SMYD3: variants seen among roughly 807,000 people sequenced by gnomAD.
SMYD3 encodes histone-lysine N-methyltransferase SMYD3.
Under a neutral mutation model 57.7 loss-of-function variants are expected in SMYD3, and 36 were observed. The ratio of observed to expected loss-of-function variants is 0.62; its 90% confidence interval spans 0.48 to 0.82. The LOEUF is 0.82. SMYD3 is among the 40% of genes least tolerant of loss of function. The probability of loss-of-function intolerance (pLI) is 0.00; values close to 1 mark genes in which losing one functional copy is unlikely to be tolerated. For missense variants in SMYD3, 515 were observed against 538.8 expected, an observed-to-expected ratio of 0.96 and a Z score of 0.44; for synonymous variants, 211 against 195.0, an observed-to-expected ratio of 1.08 and a Z score of -0.68.
chr1:246,148,109 C>T (rs1156778748), intron 5 of SMYD3, among the ~76,000 whole-genome samples: 2 of 152,122 alleles, frequency 1.3e-5, no homozygotes, highest in Non-Finnish European at 2.9e-5. Context: ...AGGCTGGGGG[C>T]CAGGATGCCA....
chr1:246,316,360 GGTTT>G (rs2065156552), intron 5 of SMYD3, among the ~76,000 whole-genome samples: 1 of 146,988 alleles, frequency 6.8e-6, no homozygotes. Context: ...TGTCTTCATG[GGTTT>G]TTTTTTTTTT....
At chr1:246,367,739 A>C (rs749749671) in intron 1 of SMYD3, among the ~76,000 whole-genome samples, 1 of 152,188 alleles carries the variant, frequency 6.6e-6, no homozygotes, top group African/African-American at 2.4e-5. Context: ...GCCAAAAAAT[A>C]ATCTTAAAAA....
intron 5 of SMYD3, chr1:246,178,933 A>C (rs2062482534): frequency 6.6e-6 from 1 of 152,598 alleles, no homozygotes; most frequent in African/African-American, 2.4e-5. Flanking sequence ...ACATTAACTG[A>C]AACTACCCAG....
intron 5 of SMYD3, among the ~76,000 whole-genome samples, chr1:246,044,592 T>C (rs976418531): frequency 2.6e-5 from 4 of 152,164 alleles, no homozygotes; most frequent in African/African-American, 9.7e-5. Context: ...AAAAAAATGC[T>C]TACAAACTGA....
chr1:246,353,750 A>C (rs1339748214), intron 2 of SMYD3, among the ~76,000 whole-genome samples: 2 of 152,314 alleles, frequency 1.3e-5, no homozygotes, highest in African/African-American at 4.8e-5. Flanking sequence ...ATAAAATAAA[A>C]ATAATAATAG....
intron 10 of SMYD3, among the ~76,000 whole-genome samples, chr1:245,778,817 T>A (rs1024707912): frequency 6.0e-5 from 6 of 100,228 alleles, no homozygotes; most frequent in Admixed American, 1.0e-4. Flanking sequence ...AAGAAAAAAA[T>A]GGAAAAATTT....
intron 10 of SMYD3, among the ~76,000 whole-genome samples, chr1:245,817,358 A>G (rs1372842893): frequency 2.0e-5 from 3 of 146,544 alleles, no homozygotes; most frequent in Non-Finnish European, 4.5e-5. Flanking sequence ...AAGGAAAACT[A>G]ACAAACAGAA....
intron 1 of SMYD3, among the ~76,000 whole-genome samples, chr1:246,490,867 A>G (rs1235004392): frequency 6.6e-6 from 1 of 152,212 alleles, no homozygotes; most frequent in Non-Finnish European, 1.5e-5. Flanking sequence ...ACCCTGTCTC[A>G]AATTAAATAA....
intron 1 of SMYD3, among the ~76,000 whole-genome samples, chr1:246,442,784 C>G (rs1202963831): frequency 6.6e-6 from 1 of 151,968 alleles, no homozygotes; most frequent in Non-Finnish European, 1.5e-5. Flanking sequence ...ACTGGTACTG[C>G]TTCCTCAAAG....
At chr1:245,932,563 T>G (rs1157863499) in intron 5 of SMYD3, among the ~76,000 whole-genome samples, 1 of 152,148 alleles carries the variant, frequency 6.6e-6, no homozygotes, top group African/African-American at 2.4e-5. Context: ...CTAATAAATC[T>G]ATTTCCTTTT....
chr1:246,495,348 CAAAAAAAAAAAA>C (rs11329443), intron 1 of SMYD3, among the ~76,000 whole-genome samples: 1 of 57,880 alleles, frequency 1.7e-5, no homozygotes, highest in African/African-American at 7.5e-5. Context: ...GACTCCGTCT[CAAAAAAAAAAAA>C]AAAAAAAAAA....
At chr1:246,356,127 C>T (rs1199657561) in intron 1 of SMYD3, among the ~76,000 whole-genome samples, 2 of 106,748 alleles carry the variant, frequency 1.9e-5, no homozygotes, top group Non-Finnish European at 4.7e-5. Context: ...GGACTCTTAG[C>T]AGTCACTCCC....
chr1:245,947,423 A>G (rs1199405510), intron 5 of SMYD3: 3 of 456,842 alleles, frequency 6.6e-6, no homozygotes, highest in South Asian at 3.1e-5. Context: ...CCCAAAACGA[A>G]CCCAATTGTT....
At position 246,458,438 on chromosome 1, in the gene SMYD3, CTTTTTTTTT is replaced by C. The variant is rs35956400; in HGVS notation, c.164+48607_164+48615del. Among the ~76,000 whole-genome samples the C allele has an allele frequency of 4.8e-5, 3 of 62,062 alleles. No individual in the cohort carries two copies. The Admixed American group carries it at 9.0e-4, about 19-fold the overall frequency. 40.7% of individuals were successfully genotyped at this position (62,062 alleles called of 152,430 possible). ...ATAACCTTCAAGTAGAAAAGTCATTCTTTTTTTTTTTTTTTTTTTTTTTTTTGAGACAGA... is the reference window on the plus strand; with the variant it reads ...ATAACCTTCAAGTAGAAAAGTCATTCTTTTTTTTTTTTTTTTTGAGACAGA... On this transcript the variant is annotated intron_variant, in intron 1 of 11. Coordinates refer to ENST00000490107, the MANE Select transcript of SMYD3 (RefSeq NM_001167740.2).
Position 246,282,305 on chromosome 1 carries a change from C to CAAAAAAAAAA in SMYD3, c.531+44886_531+44895dup, listed in dbSNP as rs57740230. Among the ~76,000 whole-genome samples the CAAAAAAAAAA allele has an allele frequency of 6.0e-4, 41 of 67,924 alleles. 1 individual carries two copies. The highest frequency in any genetic ancestry group is 1.5e-3 in the Admixed American group (6 of 4,100). The allele number at this position is 67,924 out of a possible 152,430, so 44.6% of individuals were successfully genotyped here. On this transcript the variant is annotated intron_variant, in intron 5 of 11. Coordinates refer to ENST00000490107, the MANE Select transcript of SMYD3 (RefSeq NM_001167740.2). ...CAACATGGCAAGACCCTCATCTCTACAAAAAAAAAAAAAAAAAAAAAAAAA... is the reference window on the plus strand; with the variant it reads ...CAACATGGCAAGACCCTCATCTCTACAAAAAAAAAAAAAAAAAAAAAAAAAAAAAAAAAAA...
rs200571046 is a variant in SMYD3 at position 246,072,057 on chromosome 1, A to T, written c.532-142120T>A. ...GTGCTTTCCGCTGTGCTCACTGTGG[A>T]TGCATCGTGTAGTTCTGGGGAGGGA... is the stretch of plus-strand genomic sequence containing the variant. On this transcript the variant is annotated intron_variant, in intron 5 of 11. Coordinates refer to ENST00000490107, the MANE Select transcript of SMYD3 (RefSeq NM_001167740.2). 9.0e-4 allele frequency among the ~76,000 whole-genome samples: 17 copies of T among 18,990 alleles called. 1 individual carries two copies. The highest frequency in any genetic ancestry group is 3.3e-3 in the East Asian group (1 of 306). The allele number at this position is 18,990 out of a possible 152,430, so 12.5% of individuals were successfully genotyped here.
chr1:246,403,303 G>C (rs551410696), intron 1 of SMYD3, among the ~76,000 whole-genome samples: 3 of 152,010 alleles, frequency 2.0e-5, no homozygotes, highest in Admixed American at 6.6e-5. Flanking sequence ...AGACCAGCCT[G>C]GGCAACATAG....
chr1:246,098,401 A>C (rs920036354), intron 5 of SMYD3, among the ~76,000 whole-genome samples: 5 of 152,244 alleles, frequency 3.3e-5, no homozygotes, highest in African/African-American at 1.2e-4. Context: ...AGAGAGGCCA[A>C]AAGGCACCAT....
chr1:246,300,100 T>A (rs535056537), intron 5 of SMYD3, among the ~76,000 whole-genome samples: 1 of 152,114 alleles, frequency 6.6e-6, no homozygotes, highest in Non-Finnish European at 1.5e-5. Context: ...ATACGTGGTA[T>A]GCATGTAGCT....
Sources: gnomAD v4.1 joint callset for allele counts (sites outside exome capture counted in the v4.1 genomes callset) on GRCh38, gnomAD v4.1.1 for gene constraint, MANE v1.5 for transcripts, NCBI Gene and HGNC (gene_info 2026-07-23, HGNC 2026-07-21) for gene names.